KIFAP3: variants seen among roughly 807,000 people sequenced by gnomAD.
KIFAP3 encodes the protein kinesin associated protein 3, also known as kinesin-associated protein 3.
Under a neutral mutation model 106.5 loss-of-function variants are expected in KIFAP3, and 68 were observed. That is an observed-to-expected ratio of 0.64 (90% CI 0.53 to 0.78). The LOEUF (loss-of-function observed/expected upper bound fraction) is 0.78, where lower values mean the gene tolerates loss of function less well. Ranked by LOEUF, KIFAP3 falls within the 30% of genes least tolerant of loss-of-function variation. KIFAP3 has a pLI of 0.00. For synonymous variants in KIFAP3, 320 were observed against 311.5 expected (o/e 1.03, Z -0.29); for missense variants, 780 against 941.8 (o/e 0.83, Z 2.25).
At chr1:169,931,468 G>T (rs891587636) in intron 19 of KIFAP3, among the ~76,000 whole-genome samples, 1 of 152,048 alleles carries the variant, frequency 6.6e-6, no homozygotes, top group African/African-American at 2.4e-5. Flanking sequence ...AAGGTCTTTG[G>T]CTTTTTCTGG....
At chr1:169,987,379 A>T (rs1666881987) in intron 11 of KIFAP3, among the ~76,000 whole-genome samples, 1 of 151,918 alleles carries the variant, frequency 6.6e-6, no homozygotes, top group Non-Finnish European at 1.5e-5. Flanking sequence ...CTGTGTCTAG[A>T]CTCTCTGGCA....
At chr1:170,051,055 TAA>T (rs1670550141) in intron 2 of KIFAP3, among the ~76,000 whole-genome samples, 1 of 151,544 alleles carries the variant, frequency 6.6e-6, no homozygotes, top group Admixed American at 6.6e-5. Flanking sequence ...GCAAATTGGA[TAA>T]AGAGTCAAGA....
intron 19 of KIFAP3, among the ~76,000 whole-genome samples, chr1:169,926,478 C>T (rs377129399): frequency 6.6e-6 from 1 of 152,230 alleles, no homozygotes; most frequent in East Asian, 1.9e-4. Flanking sequence ...TGACTTTACA[C>T]TATTGTAGGC....
At chr1:170,059,201 A>T (rs1052613462) in intron 1 of KIFAP3, among the ~76,000 whole-genome samples, 2 of 152,142 alleles carry the variant, frequency 1.3e-5, no homozygotes, top group Admixed American at 6.5e-5. Flanking sequence ...GAGACACAAA[A>T]AAAATCAATG....
chr1:170,016,081 T>G (rs1668497499), intron 10 of KIFAP3, among the ~76,000 whole-genome samples: 1 of 152,140 alleles, frequency 6.6e-6, no homozygotes, highest in East Asian at 1.9e-4. Flanking sequence ...ATTAGCTCAT[T>G]TTTAAGTAGT....
chr1:170,040,176 T>C (rs1669899052), intron 3 of KIFAP3, among the ~76,000 whole-genome samples: 1 of 152,102 alleles, frequency 6.6e-6, no homozygotes, highest in Non-Finnish European at 1.5e-5. Flanking sequence ...TGGTTTTAAT[T>C]ATGCAAAAAA....
intron 7 of KIFAP3, among the ~76,000 whole-genome samples, chr1:170,033,613 A>T (rs1372279738): frequency 6.6e-6 from 1 of 151,808 alleles, no homozygotes; most frequent in Non-Finnish European, 1.5e-5. Flanking sequence ...AAGAATTATG[A>T]TGTTGAAGAG....
chr1:169,955,716 TA>T (rs1238924243), intron 18 of KIFAP3, among the ~76,000 whole-genome samples: 1 of 152,182 alleles, frequency 6.6e-6, no homozygotes. Context: ...GTCAAATTGT[TA>T]ATGGACACCT....
intron 7 of KIFAP3, among the ~76,000 whole-genome samples, chr1:170,033,188 G>T (rs781509769): frequency 6.6e-6 from 1 of 151,688 alleles, no homozygotes; most frequent in Non-Finnish European, 1.5e-5. Flanking sequence ...AACCTGAAAA[G>T]ATTCTAATTA....
chr1:170,007,871 C>T (rs959701113), intron 10 of KIFAP3, among the ~76,000 whole-genome samples: 6 of 152,116 alleles, frequency 3.9e-5, no homozygotes, highest in Non-Finnish European at 5.9e-5. Context: ...TCAAACTATA[C>T]TACAAGGCTA....
chr1:169,952,405 A>C (rs1664772654), intron 19 of KIFAP3, among the ~76,000 whole-genome samples: 1 of 150,632 alleles, frequency 6.6e-6, no homozygotes, highest in Non-Finnish European at 1.5e-5. Context: ...TACCATTTTA[A>C]GAAATTTTTG....
intron 10 of KIFAP3, among the ~76,000 whole-genome samples, chr1:170,009,564 C>A (rs756974837): frequency 4.6e-5 from 7 of 152,110 alleles, no homozygotes; most frequent in African/African-American, 7.2e-5. Flanking sequence ...CATCCTCAAG[C>A]ATATCAAACA....
At chr1:170,025,312 C>G (rs1348667884) in intron 8 of KIFAP3, among the ~76,000 whole-genome samples, 1 of 151,910 alleles carries the variant, frequency 6.6e-6, no homozygotes, top group Non-Finnish European at 1.5e-5. Flanking sequence ...TTCCATTTTT[C>G]CTTGATTGAC....
At chr1:170,053,539 A>C (rs969945616) in intron 2 of KIFAP3, among the ~76,000 whole-genome samples, 25 of 152,200 alleles carry the variant, frequency 1.6e-4, no homozygotes, top group Non-Finnish European at 2.6e-4. Flanking sequence ...TCTAAGCAAA[A>C]AACAAAACAA....
chr1:170,056,855 C>A (rs1327751924), intron 1 of KIFAP3, among the ~76,000 whole-genome samples: 1 of 151,434 alleles, frequency 6.6e-6, no homozygotes, highest in Admixed American at 6.6e-5. Flanking sequence ...ACATATAGGA[C>A]AAGTAAAGAA....
chr1:169,956,496 AT>A (rs1043965617), intron 18 of KIFAP3, among the ~76,000 whole-genome samples: 36 of 152,126 alleles, frequency 2.4e-4, no homozygotes, highest in Non-Finnish European at 7.4e-5. Flanking sequence ...CAAATTAAAA[AT>A]TTTTTACTTC....
intron 1 of KIFAP3, among the ~76,000 whole-genome samples, chr1:170,082,967 T>C (rs1672043807): frequency 6.6e-6 from 1 of 152,226 alleles, no homozygotes; most frequent in African/African-American, 2.4e-5. Context: ...AGCAAGACTC[T>C]GTCTCAAAAA....
At position 169,994,994 on chromosome 1, in the gene KIFAP3, G is replaced by A. The variant is rs550756805; in HGVS notation, c.1184-2739C>T. ...TTTAGGGGTAAGAATTTTATTTGGCGGGCAGTAGGTAAAAATTGTGAAATC... is the reference window on the plus strand; with the variant it reads ...TTTAGGGGTAAGAATTTTATTTGGCAGGCAGTAGGTAAAAATTGTGAAATC... On this transcript the variant is annotated intron_variant, in intron 10 of 19. Coordinates refer to ENST00000361580, the MANE Select transcript of KIFAP3 (RefSeq NM_014970.4). 8.5e-5 allele frequency among the ~76,000 whole-genome samples: 13 copies of A among 152,074 alleles called. No homozygotes were observed. In the East Asian group the frequency reaches 2.1e-3, roughly 25 times the overall value.
chr1:170,071,442 G>A (rs191300573), intron 1 of KIFAP3, among the ~76,000 whole-genome samples: 14 of 152,258 alleles, frequency 9.2e-5, no homozygotes, highest in African/African-American at 3.4e-4. Context: ...CTGAGACTAG[G>A]TAATTTATAA....
Sources: allele counts gnomAD v4.1 joint callset (sites outside exome capture counted in the v4.1 genomes callset), GRCh38; gene constraint gnomAD v4.1.1; transcripts MANE v1.5; gene names NCBI Gene and HGNC (gene_info 2026-07-23, HGNC 2026-07-21).